Variants in CCDC102B observed in about 807,000 individuals in gnomAD.
CCDC102B encodes coiled-coil domain-containing protein 102B.
A neutral mutation model predicts 57.4 loss-of-function variants in CCDC102B; 75 were observed. The observed-to-expected ratio is 1.31, with a 90% CI of 1.08 to 1.58. The LOEUF (loss-of-function observed/expected upper bound fraction) is 1.58. Ranked by LOEUF, CCDC102B falls within the 40% of genes most tolerant of loss-of-function variation. The probability of loss-of-function intolerance (pLI) is 0.00; values close to 1 mark genes in which losing one functional copy is unlikely to be tolerated. For synonymous variants in CCDC102B, 206 were observed against 201.9 expected (o/e 1.02, Z -0.17); for missense variants, 636 against 582.6 (o/e 1.09, Z -0.94).
intron 6 of CCDC102B, among the ~76,000 whole-genome samples, chr18:68,949,791 G>T (rs2049643660): frequency 6.6e-6 from 1 of 152,006 alleles, no homozygotes; most frequent in Non-Finnish European, 1.5e-5. Context: ...AAGTTAAAAA[G>T]CTTCTGCTAG....
In CCDC102B at chr18:69,043,718, G is replaced by A. The variant is rs150243439; in HGVS notation, c.1435-10312G>A. Among the ~76,000 whole-genome samples, 655 of 152,182 alleles carry A rather than the reference G, an allele frequency of 4.3e-3. 12 individuals are homozygous for A. Among genetic ancestry groups the A allele is most frequent in the African/African-American group, 0.014 (593 of 41,536 alleles). On this transcript the variant is annotated intron_variant, in intron 7 of 7. Transcript: ENST00000360242. ...AGGTCATAGATTAACAGAATCTCAA[G>A]GCAGAAGAATTTTTCTTAGTACAGA...
At chr18:68,957,545 G>A (rs1380053701) in intron 6 of CCDC102B, among the ~76,000 whole-genome samples, 1 of 133,022 alleles carries the variant, frequency 7.5e-6, no homozygotes. Flanking sequence ...GCCAGGTAAT[G>A]TGATTCTTCC....
At chr18:68,837,395 T>C in intron 2 of CCDC102B, 26 bp downstream of exon 2, 4 of 1,584,256 alleles carry the variant, frequency 2.5e-6, no homozygotes, top group Non-Finnish European at 3.4e-6. Context: ...AGAGATGATG[T>C]GAATTTCTGA....
chr18:68,751,144 C>T (rs963181352), intron 2 of CCDC102B, among the ~76,000 whole-genome samples: 7 of 152,086 alleles, frequency 4.6e-5, no homozygotes, highest in Admixed American at 3.9e-4. Context: ...CATACAGTCA[C>T]TTCTCATTAT....
intron 6 of CCDC102B, among the ~76,000 whole-genome samples, chr18:68,951,750 G>A (rs2049704160): frequency 6.6e-6 from 1 of 151,866 alleles, no homozygotes; most frequent in South Asian, 2.1e-4. Context: ...TGAGGTTGCA[G>A]TGGGCTGAGA....
intron 1 of CCDC102B, among the ~76,000 whole-genome samples, chr18:68,822,732 G>C (rs536680819): frequency 5.9e-5 from 9 of 152,236 alleles, no homozygotes; most frequent in African/African-American, 2.2e-4. Context: ...GCGGTATTTG[G>C]TTTTCTGTTC....
At chr18:68,920,391 G>A (rs2041235041) in intron 6 of CCDC102B, among the ~76,000 whole-genome samples, 1 of 152,186 alleles carries the variant, frequency 6.6e-6, no homozygotes, top group South Asian at 2.1e-4. Flanking sequence ...TCTGATGTTT[G>A]GCAAACCTGG....
At chr18:68,877,093 A>T (rs1653603566) in intron 5 of CCDC102B, among the ~76,000 whole-genome samples, 1 of 152,266 alleles carries the variant, frequency 6.6e-6, no homozygotes, top group South Asian at 2.1e-4. Flanking sequence ...ATAGCACATC[A>T]GTAGTAGCTT....
intron 2 of CCDC102B, among the ~76,000 whole-genome samples, chr18:68,744,644 C>T (rs985931866): frequency 6.6e-6 from 1 of 152,044 alleles, no homozygotes; most frequent in African/African-American, 2.4e-5. Context: ...TGGATTCAAC[C>T]GTGTAGGACC....
intron 4 of CCDC102B, among the ~76,000 whole-genome samples, chr18:68,850,440 C>G (rs1184369565): frequency 1.3e-5 from 2 of 151,818 alleles, no homozygotes; most frequent in African/African-American, 4.8e-5. Flanking sequence ...GAGTGTTTCT[C>G]AAGATATATA....
intron 2 of CCDC102B, among the ~76,000 whole-genome samples, chr18:68,764,485 T>G (rs2034360459): frequency 6.6e-6 from 1 of 152,142 alleles, no homozygotes; most frequent in Non-Finnish European, 1.5e-5. Flanking sequence ...GTCCTCTGAT[T>G]TAAATTCCAA....
chr18:68,898,633 A>G (rs934542049), intron 6 of CCDC102B, among the ~76,000 whole-genome samples: 2 of 152,152 alleles, frequency 1.3e-5, no homozygotes, highest in African/African-American at 2.4e-5. Context: ...TATTCAAACA[A>G]GACAAACATT....
intron 7 of CCDC102B, among the ~76,000 whole-genome samples, chr18:69,020,600 A>G (rs2051804746): frequency 1.3e-5 from 2 of 152,106 alleles, no homozygotes; most frequent in African/African-American, 4.8e-5. Flanking sequence ...GGTTGGTGTA[A>G]AAGTAATTGC....
chr18:68,993,291 G>GC (rs1399180867), intron 6 of CCDC102B: 1 of 152,336 alleles, frequency 6.6e-6, no homozygotes, highest in Non-Finnish European at 1.5e-5. Context: ...CTGAAGCAGA[G>GC]CCCTGGCCTA....
rs567113530 is a variant in CCDC102B, at chr18:69,036,718, A to G, written c.1435-17312A>G. ...TGCATTGTGAAATGCAAAGGAGAGA[A>G]ACAGAGGCCATTAAAATATAGATCA... On this transcript the variant is annotated intron_variant, in intron 7 of 7. Transcript: ENST00000360242. 1.2e-4 allele frequency among the ~76,000 whole-genome samples: 18 copies of G among 152,202 alleles called. No homozygotes were observed. In the South Asian group the frequency reaches 3.7e-3, roughly 31 times the overall value.
intron 4 of CCDC102B, among the ~76,000 whole-genome samples, chr18:68,857,744 A>T: frequency 6.6e-6 from 1 of 152,072 alleles, no homozygotes; most frequent in East Asian, 1.9e-4. Flanking sequence ...CCAAAACTCC[A>T]AGGAAACTAG....
At chr18:68,861,687 C>G (rs951366815) in intron 4 of CCDC102B, among the ~76,000 whole-genome samples, 1 of 152,116 alleles carries the variant, frequency 6.6e-6, no homozygotes, top group South Asian at 2.1e-4. Context: ...ACTTCTAATT[C>G]TTTTAGATGT....
intron 6 of CCDC102B, chr18:68,899,826 A>G (rs2040376702): frequency 6.6e-6 from 1 of 152,140 alleles, no homozygotes; most frequent in African/African-American, 2.4e-5. Flanking sequence ...TAGAGAATGC[A>G]TTTTTAAAGA....
At chr18:68,771,405 C>T (rs951033078) in intron 2 of CCDC102B, among the ~76,000 whole-genome samples, 1 of 152,166 alleles carries the variant, frequency 6.6e-6, no homozygotes, top group Admixed American at 6.5e-5. Flanking sequence ...GTAAAATCAT[C>T]AGGGACGTAG....
Sources: allele counts gnomAD v4.1 joint callset (sites outside exome capture counted in the v4.1 genomes callset), GRCh38; gene constraint gnomAD v4.1.1; transcripts MANE v1.5; gene names NCBI Gene and HGNC (gene_info 2026-07-23, HGNC 2026-07-21).